Variants in IPP observed in about 807,000 individuals in gnomAD.
The protein encoded by IPP is intracisternal A particle-promoted polypeptide, also known as actin-binding protein IPP.
IPP carries 41 observed loss-of-function variants against 64.1 expected under a neutral mutation model. The ratio of observed to expected loss-of-function variants is 0.64; its 90% CI spans 0.50 to 0.83. IPP has a LOEUF of 0.83. Ranked by LOEUF, IPP falls within the 40% of genes least tolerant of loss-of-function variation. IPP has a pLI of 0.00. For synonymous variants in IPP, 214 were observed against 235.2 expected (o/e 0.91, Z 0.83); for missense variants, 649 against 703.0 (o/e 0.92, Z 0.87).
Position 45,723,867 on chromosome 1 carries a change from T to G in IPP, c.1048+3764A>C, listed in dbSNP as rs1237987155. 3.9e-5 allele frequency among the ~76,000 whole-genome samples: 6 copies of G among 152,088 alleles called. No homozygotes were observed. In the East Asian group the frequency reaches 9.6e-4, roughly 24 times the overall value. Reference sequence around the variant, plus strand: ...AATAAAAATAAATTAATTACAATTTTTTTTTATATACAGTTTGGGTGCCAT... The same window carrying G: ...AATAAAAATAAATTAATTACAATTTGTTTTTATATACAGTTTGGGTGCCAT... On this transcript the variant is annotated intron_variant, in intron 5 of 8. Transcript: ENST00000396478.
At chr1:45,720,579 G>A (rs1030647378) in intron 5 of IPP, among the ~76,000 whole-genome samples, 6 of 151,874 alleles carry the variant, frequency 4.0e-5, no homozygotes, top group Non-Finnish European at 4.4e-5. Flanking sequence ...AAGCATTCTC[G>A]GAAAAGAATA....
chr1:45,733,912 G>T (rs1252084401), intron 3 of IPP, among the ~76,000 whole-genome samples: 1 of 151,500 alleles, frequency 6.6e-6, no homozygotes, highest in Non-Finnish European at 1.5e-5. Context: ...AAATATGAAG[G>T]AATTCAGGAA....
In IPP at chr1:45,699,578, C is replaced by T; in HGVS notation, c.*388G>A. ...AATGGCATTTCTATTATTAGTAAAC[C>T]TGGCAAATCTGTGTGAGCTCTTTAT... On this transcript the variant is annotated 3_prime_UTR_variant, in exon 9 of 9. Transcript: ENST00000396478. The T allele has an allele frequency of 1.0e-6, 1 of 991,834 alleles. No individual in the cohort carries two copies. Among genetic ancestry groups the T allele is most frequent in the Non-Finnish European group, 1.2e-6 (1 of 833,332 alleles). 61.4% of individuals were successfully genotyped at this position (991,834 alleles called of 1,614,324 possible).
At chr1:45,738,848 A>AAAAACAAAAAAAAC (rs1646016779) in intron 3 of IPP, among the ~76,000 whole-genome samples, 1 of 149,616 alleles carries the variant, frequency 6.7e-6, no homozygotes, top group Non-Finnish European at 1.5e-5. Flanking sequence ...TCAAAAAAAA[A>AAAAACAAAAAAAAC]AAAAAAAAAA....
intron 3 of IPP, among the ~76,000 whole-genome samples, chr1:45,738,902 C>T (rs1646019987): frequency 6.9e-6 from 1 of 145,184 alleles, no homozygotes; most frequent in South Asian, 2.2e-4. Flanking sequence ...GCTCTATTGA[C>T]TATGTGACAA....
chr1:45,717,370 T>C (rs886852808), intron 6 of IPP, among the ~76,000 whole-genome samples: 2 of 152,170 alleles, frequency 1.3e-5, no homozygotes, highest in African/African-American at 4.8e-5. Flanking sequence ...CTTTTGAAAT[T>C]ACTTCTGGCT....
intron 8 of IPP, among the ~76,000 whole-genome samples, chr1:45,700,579 T>C (rs1645439377): frequency 6.6e-6 from 1 of 152,046 alleles, no homozygotes; most frequent in Non-Finnish European, 1.5e-5. Flanking sequence ...CTCAAGTGAT[T>C]GTCCCACCTC....
intron 1 of IPP, among the ~76,000 whole-genome samples, chr1:45,749,512 GTTTTTGT>G (rs1432170534): frequency 1.0e-4 from 14 of 134,098 alleles, no homozygotes; most frequent in African/African-American, 2.2e-4. Context: ...TTTTTGTTTT[GTTTTTGT>G]TTTTTGTTTT....
chr1:45,745,837 C>T (rs1274544234), intron 2 of IPP, among the ~76,000 whole-genome samples: 1 of 152,048 alleles, frequency 6.6e-6, no homozygotes, highest in African/African-American at 2.4e-5. Context: ...TGCACTCCAG[C>T]TTGGGCGACA....
chr1:45,713,264 G>GA (rs1024592061), intron 8 of IPP, among the ~76,000 whole-genome samples: 91 of 147,170 alleles, frequency 6.2e-4, no homozygotes, highest in Non-Finnish European at 9.6e-4. Flanking sequence ...CCTAACCATA[G>GA]AAAAAAAAAA....
chr1:45,739,689 A>G (rs1646033596), intron 3 of IPP, among the ~76,000 whole-genome samples: 1 of 152,164 alleles, frequency 6.6e-6, no homozygotes, highest in African/African-American at 2.4e-5. Context: ...CTCAGAGGCC[A>G]TAATTGTATA....
rs747744568 is a variant in IPP, at chr1:45,741,112, A to T, written c.513T>A (p.Ser171Arg). 1 of 1,614,156 alleles carries T rather than the reference A, an allele frequency of 6.2e-7. No individual in the cohort carries two copies. The highest frequency in any genetic ancestry group is 1.3e-5 in the African/African-American group (1 of 75,062). ...TCGTAAGTGCCAGGAACTCTTCTCC[A>T]CTATGAACCTCCAAGAAATGGACAT... ...YIHVHFLEVH[S>R]GEEFLALTKD... is the part of the protein sequence containing the mutation. Residue 171 changes from serine (S) to arginine (R), a missense_variant, in exon 3 of 9, where the codon AGT becomes AGA. Ser to Arg is a moderately radical substitution (Grantham distance 110). Transcript: ENST00000396478.
intron 5 of IPP, among the ~76,000 whole-genome samples, chr1:45,724,603 G>T (rs1370855508): frequency 6.6e-6 from 1 of 150,378 alleles, no homozygotes; most frequent in Admixed American, 6.6e-5. Context: ...CCCATCGTCT[G>T]AGATGTGGGG....
At chr1:45,728,690 T>C (rs903336601) in intron 4 of IPP, among the ~76,000 whole-genome samples, 1 of 151,938 alleles carries the variant, frequency 6.6e-6, no homozygotes, top group Non-Finnish European at 1.5e-5. Flanking sequence ...AAGACAAGGT[T>C]TCATCATGTT....
intron 2 of IPP, among the ~76,000 whole-genome samples, chr1:45,743,129 G>T (rs61062981): frequency 1.3e-5 from 2 of 151,292 alleles, no homozygotes; most frequent in East Asian, 3.9e-4. Context: ...GTAGGGACGA[G>T]GTTTCACCAT....
At chr1:45,725,703 T>C (rs1476558708) in intron 5 of IPP, among the ~76,000 whole-genome samples, 3 of 139,776 alleles carry the variant, frequency 2.1e-5, no homozygotes, top group African/African-American at 7.9e-5. Flanking sequence ...TCTGTGTGGA[T>C]AGAAGTAGAC....
intron 8 of IPP, among the ~76,000 whole-genome samples, chr1:45,708,694 A>G (rs1177873487): frequency 6.7e-6 from 1 of 150,076 alleles, no homozygotes; most frequent in Non-Finnish European, 1.5e-5. Flanking sequence ...AAAAAAAAAA[A>G]AAAAAGCAAC....
chr1:45,712,222 G>A (rs1569968099), intron 8 of IPP, among the ~76,000 whole-genome samples: 2 of 151,436 alleles, frequency 1.3e-5, no homozygotes, highest in South Asian at 4.2e-4. Flanking sequence ...GGAGGCTGAG[G>A]CAGGAGAATC....
intron 8 of IPP, 86 bp from the exon 9 acceptor site, chr1:45,700,276 C>A: frequency 1.3e-6 from 2 of 1,485,026 alleles, no homozygotes; most frequent in East Asian, 4.7e-5. Context: ...TATCCCAGTT[C>A]TTTTTACATG....
Sources: gnomAD v4.1 joint callset for allele counts (sites outside exome capture counted in the v4.1 genomes callset) on GRCh38, gnomAD v4.1.1 for gene constraint, MANE v1.5 for transcripts, NCBI Gene and HGNC (gene_info 2026-07-23, HGNC 2026-07-21) for gene names.